The following CHD5 variants were observed in gnomAD, a reference collection of about 807,000 sequenced individuals.
CHD5 encodes the protein chromodomain helicase DNA binding protein 5.
Under a neutral mutation model 230.3 loss-of-function variants are expected in CHD5, and 69 were observed. The ratio of observed to expected loss-of-function variants is 0.30; its 90% CI spans 0.25 to 0.37. CHD5 has a LOEUF of 0.37. CHD5 is among the 10% of genes least tolerant of loss of function. The probability of loss-of-function intolerance (pLI) is 1.00; values close to 1 mark genes in which losing one functional copy is unlikely to be tolerated. For synonymous variants in CHD5, 1,064 were observed against 1,065.9 expected (o/e 1.00, Z 0.03); for missense variants, 1,827 against 2,622.8 (o/e 0.70, Z 6.63).
chr1:6,134,970 G>T lies in CHD5; in HGVS notation c.2871-111C>A. The T allele has an allele frequency of 7.4e-7, 1 of 1,352,232 alleles. No homozygotes were observed. The highest frequency in any genetic ancestry group is 1.0e-6 in the Non-Finnish European group (1 of 973,368). 83.8% of individuals were successfully genotyped at this position (1,352,232 alleles called of 1,614,324 possible). Reference sequence around the variant, plus strand: ...GTGGCCAAGCACCCATTTACAGAGAGACCCAAGGGACCCCCAAGAGGTGAA... The same window carrying T: ...GTGGCCAAGCACCCATTTACAGAGATACCCAAGGGACCCCCAAGAGGTGAA... On this transcript the variant is annotated intron_variant, in intron 18 of 41. Transcript: ENST00000262450. The surrounding 1 kb of genome is among the most constrained non-coding windows in gnomAD (Gnocchi z 6.3).
intron 1 of CHD5, among the ~76,000 whole-genome samples, chr1:6,174,017 C>T (rs1667380348): frequency 6.6e-6 from 1 of 151,906 alleles, no homozygotes; most frequent in African/African-American, 2.4e-5. Context: ...AGGCATTTAC[C>T]CCAAGTGACT....
At chr1:6,144,551 C>T (rs557375747) in intron 11 of CHD5, among the ~76,000 whole-genome samples, 7 of 152,308 alleles carry the variant, frequency 4.6e-5, no homozygotes, top group South Asian at 2.1e-4. Flanking sequence ...ACTTAAAATA[C>T]GCAAAGGACT....
intron 38 of CHD5, among the ~76,000 whole-genome samples, chr1:6,107,813 AATGGAGGGATG>A (rs1255392413): frequency 1.0e-4 from 10 of 97,466 alleles, no homozygotes; most frequent in East Asian, 8.3e-4. Context: ...ATGGAGGAAT[AATGGAGGGATG>A]GAGGGATGAT....
Position 6,143,380 on chromosome 1 carries a change from C to T in CHD5, c.2043+443G>A, listed in dbSNP as rs559621151. 3.9e-5 allele frequency among the ~76,000 whole-genome samples: 6 copies of T among 152,308 alleles called. No homozygotes were observed. In the East Asian group the frequency reaches 1.2e-3, roughly 29 times the overall value. On this transcript the variant is annotated intron_variant, in intron 13 of 41. Transcript: ENST00000262450. Reference sequence around the variant, plus strand: ...CAGGTCACTGGCCCCATGCAGTCCTCCCAATGGACCAGGCCCATCTGCCTT... The same window carrying T: ...CAGGTCACTGGCCCCATGCAGTCCTTCCAATGGACCAGGCCCATCTGCCTT...
rs902876610 is a variant in CHD5, at chr1:6,167,308, G to A, written c.207+842C>T. 5.9e-5 allele frequency among the ~76,000 whole-genome samples: 9 copies of A among 152,220 alleles called. No homozygotes were observed. Among genetic ancestry groups the A allele is most frequent in the African/African-American group, 2.2e-4 (9 of 41,464 alleles). On this transcript the variant is annotated intron_variant, in intron 2 of 41. Coordinates refer to ENST00000262450, the MANE Select transcript of CHD5 (RefSeq NM_015557.3). This position sits in a 1 kb window ranked among gnomAD's most constrained non-coding sequence, Gnocchi z 4.5. ...TGTCACTGTGTGACCTTGGGCCAGG[G>A]CACCTCTGAGCCCCCGCTCTCATCT...
Position 6,121,043 on chromosome 1 carries a change from G to A in CHD5, c.4912+62C>T. 1 of 1,492,964 alleles carries A rather than the reference G, an allele frequency of 6.7e-7. No individual in the cohort carries two copies. 92.5% of individuals were successfully genotyped at this position (1,492,964 alleles called of 1,614,324 possible). ...GAAGTACAGCCACCTGCCCTTCTCT[G>A]AACCCAGGCCTGCTGAGGCCAGACA... On this transcript the variant is annotated intron_variant, in intron 33 of 41. Transcript: ENST00000262450. This position sits in a 1 kb window ranked among gnomAD's most constrained non-coding sequence, Gnocchi z 4.5.
At chr1:6,157,641 CCTGTT>C (rs1157586966) in intron 3 of CHD5, among the ~76,000 whole-genome samples, 1 of 152,184 alleles carries the variant, frequency 6.6e-6, no homozygotes, top group Non-Finnish European at 1.5e-5. Context: ...ATTCTTGCCT[CCTGTT>C]CTGTGACAGC....
chr1:6,107,670 T>G (rs1266056052), intron 38 of CHD5, among the ~76,000 whole-genome samples: 4 of 96,540 alleles, frequency 4.1e-5, no homozygotes, highest in Non-Finnish European at 7.7e-5. Context: ...AATGAAGGGA[T>G]GATGGAGGGA....
In CHD5 at chr1:6,106,234, C is replaced by T. The variant is rs372570860; in HGVS notation, c.*46G>A. On this transcript the variant is annotated splice_region_variant and 3_prime_UTR_variant, in exon 41 of 42. Coordinates refer to ENST00000262450, the MANE Select transcript of CHD5 (RefSeq NM_015557.3). ...GAACACAGCACCCAGCAGCCCTCAC[C>T]TCAGCTGGAAATGAGCGCTGCAACA... 9.9e-6 allele frequency: 16 copies of T among 1,612,124 alleles called. No individual in the cohort carries two copies. Among genetic ancestry groups the T allele is most frequent in the Non-Finnish European group, 1.3e-5 (15 of 1,179,384 alleles).
chr1:6,138,537 C>T (rs1666779902), intron 15 of CHD5, among the ~76,000 whole-genome samples: 1 of 152,228 alleles, frequency 6.6e-6, no homozygotes, highest in Non-Finnish European at 1.5e-5. Context: ...CCTGCCTCTC[C>T]CAGCAGCCCA....
chr1:6,170,552 C>G (rs929205578), intron 1 of CHD5, among the ~76,000 whole-genome samples: 1 of 152,130 alleles, frequency 6.6e-6, no homozygotes, highest in African/African-American at 2.4e-5. Flanking sequence ...GTCTTGGTGC[C>G]TCTCTGCACC....
chr1:6,125,281 G>A lies in CHD5; in HGVS notation c.4261-48C>T, dbSNP rs757547340. ...TATGAGCCCAGGACAGAGAGGGGTGGGGGTGGAGGATTCTGGGATGGGGGA... is the reference window on the plus strand; with the variant it reads ...TATGAGCCCAGGACAGAGAGGGGTGAGGGTGGAGGATTCTGGGATGGGGGA... On this transcript the variant is annotated intron_variant, in intron 28 of 41. Transcript: ENST00000262450. The surrounding 1 kb of genome is among the most constrained non-coding windows in gnomAD (Gnocchi z 6.7). The A allele has an allele frequency of 2.5e-5, 38 of 1,544,928 alleles. No homozygotes were observed. Among genetic ancestry groups the A allele is most frequent in the Non-Finnish European group, 2.9e-5 (33 of 1,143,158 alleles).
At position 6,128,355 on chromosome 1, in the gene CHD5, G is replaced by A. The variant is rs1419485669; in HGVS notation, c.3731-137C>T. 2 of 1,126,770 alleles carry A rather than the reference G, an allele frequency of 1.8e-6. No homozygotes were observed. The highest frequency in any genetic ancestry group is 2.6e-6 in the Non-Finnish European group (2 of 778,406). The allele number at this position is 1,126,770 out of a possible 1,614,324, so 69.8% of individuals were successfully genotyped here. On this transcript the variant is annotated intron_variant, in intron 24 of 41. Transcript: ENST00000262450. The surrounding 1 kb of genome is among the most constrained non-coding windows in gnomAD (Gnocchi z 7.8). ...CTGAGAGGCATGGTGACCAGACAGA[G>A]GAAACTGCGCTGTAACAGCCCCACT... is the stretch of plus-strand genomic sequence containing the variant.
chr1:6,112,868 G>T, intron 34 of CHD5, 41 bp downstream of exon 34: 2 of 1,477,906 alleles, frequency 1.4e-6, no homozygotes, highest in Non-Finnish European at 1.9e-6. Context: ...ACCCTCAAGG[G>T]ACCATGGGGC....
rs762567901 is a variant in CHD5 at position 6,129,010 on chromosome 1, C to T, written c.3447G>A (p.Val1149=). The change falls in exon 23 of 42, where the codon GTG becomes GTA. Residue 1149 remains valine, a synonymous_variant. Transcript: ENST00000262450. The surrounding 1 kb of genome is among the most constrained non-coding windows in gnomAD (Gnocchi z 6.8). ...TGCGCTCCTCCACCGAGGCCCGAGT[C>T]ACGAAGCGGTAGATCATCACCTTCT... ...QNKKVMIYRF[V]TRASVEERIT... The T allele has an allele frequency of 3.7e-6, 6 of 1,611,736 alleles. No homozygotes were observed. Among genetic ancestry groups the T allele is most frequent in the Non-Finnish European group, 5.1e-6 (6 of 1,179,810 alleles).
At chr1:6,175,758 T>C (rs1241915663) in intron 1 of CHD5, among the ~76,000 whole-genome samples, 1 of 149,416 alleles carries the variant, frequency 6.7e-6, no homozygotes, top group Non-Finnish European at 1.5e-5. Context: ...GGATGGTGAA[T>C]GGTTACTTGG....
At chr1:6,108,429 T>C (rs1666231658) in intron 38 of CHD5, among the ~76,000 whole-genome samples, 1 of 113,362 alleles carries the variant, frequency 8.8e-6, no homozygotes, top group South Asian at 2.9e-4. Flanking sequence ...GATGGAAGGA[T>C]GGAGAGATGA....
intron 3 of CHD5, among the ~76,000 whole-genome samples, chr1:6,158,006 G>A (rs1018237292): frequency 6.6e-6 from 1 of 152,146 alleles, no homozygotes. Flanking sequence ...AACAGCAACT[G>A]TACTAATATT....
At chr1:6,116,322 A>G (rs1046675763) in intron 33 of CHD5, among the ~76,000 whole-genome samples, 1 of 152,244 alleles carries the variant, frequency 6.6e-6, no homozygotes, top group Non-Finnish European at 1.5e-5. Flanking sequence ...TTCCAGAAGG[A>G]CAAAATAAAC....
Sources: gnomAD v4.1 joint callset for allele counts (sites outside exome capture counted in the v4.1 genomes callset) on GRCh38, gnomAD v4.1.1 for gene constraint, Gnocchi (gnomAD v3.1) non-coding constraint, MANE v1.5 for transcripts, NCBI Gene and HGNC (gene_info 2026-07-23, HGNC 2026-07-21) for gene names.